Variants in CHSY3 observed in about 807,000 individuals in gnomAD.
The protein encoded by CHSY3 is N-acetylgalactosaminyl-proteoglycan 3-beta-glucuronosyltransferase 3.
A neutral mutation model predicts 67.2 loss-of-function variants in CHSY3; 35 were observed. The ratio of observed to expected loss-of-function variants is 0.52; its 90% CI spans 0.40 to 0.69. The LOEUF is 0.69. CHSY3 is among the 30% of genes least tolerant of loss of function. The pLI is 0.00. For synonymous variants in CHSY3, 474 were observed against 434.7 expected (o/e 1.09, Z -1.12); for missense variants, 1,069 against 1,138.5 (o/e 0.94, Z 0.88).
chr5:130,164,034 C>G (rs1291458143), intron 2 of CHSY3, among the ~76,000 whole-genome samples: 1 of 152,146 alleles, frequency 6.6e-6, no homozygotes, highest in African/African-American at 2.4e-5. Flanking sequence ...TGAACGACTA[C>G]TTGGAAACCT....
At position 129,905,277 on chromosome 5, in the gene CHSY3, C is replaced by A; in HGVS notation, c.448C>A (p.Pro150Thr). 1.4e-6 allele frequency: 2 copies of A among 1,461,582 alleles called. No individual in the cohort carries two copies. Among genetic ancestry groups the A allele is most frequent in the Non-Finnish European group, 1.8e-6 (2 of 1,110,014 alleles). 90.5% of individuals were successfully genotyped at this position (1,461,582 alleles called of 1,614,324 possible). The change falls in exon 1 of 3, where the codon CCG (proline) becomes ACG (threonine). Residue 150 changes from proline (P) to threonine (T), a missense_variant. By Grantham distance (38) the Pro-to-Thr change is conservative. Coordinates refer to ENST00000305031, the MANE Select transcript of CHSY3 (RefSeq NM_175856.5). ...GAAGQRRDGR[P>T]GSSHNGSGDG... ...GGCTGGGCAGCGGAGAGACGGCCGG[C>A]CGGGGAGTAGCCACAACGGCAGCGG... is the stretch of plus-strand genomic sequence containing the variant.
chr5:130,145,542 G>A (rs1769047896), intron 2 of CHSY3, among the ~76,000 whole-genome samples: 2 of 152,118 alleles, frequency 1.3e-5, no homozygotes, highest in African/African-American at 4.8e-5. Flanking sequence ...ATTGGCCTGG[G>A]CAAGAATTTT....
chr5:130,070,980 G>A lies in CHSY3; in HGVS notation c.1087-113249G>A, dbSNP rs139884125. The stretch of plus-strand genomic sequence containing the variant: ...AGCTTTCATAGATAAAACTATATAG[G>A]TTCCTGTGTTCATTTATCTATATAA... On this transcript the variant is annotated intron_variant, in intron 2 of 2. Transcript: ENST00000305031. Among the ~76,000 whole-genome samples, 428 of 152,028 alleles carry A rather than the reference G, an allele frequency of 2.8e-3. 1 individual carries two copies. Among genetic ancestry groups the A allele is most frequent in the Non-Finnish European group, 4.9e-3 (332 of 67,912 alleles).
chr5:129,966,830 A>G (rs1320500933), intron 2 of CHSY3, among the ~76,000 whole-genome samples: 2 of 151,868 alleles, frequency 1.3e-5, no homozygotes, highest in African/African-American at 4.8e-5. Context: ...AAGAAGTAAC[A>G]ATAAGAAGGG....
In CHSY3 at chr5:130,132,126, T is replaced by C. The variant is rs192871395; in HGVS notation, c.1087-52103T>C. 2.0e-5 allele frequency among the ~76,000 whole-genome samples: 3 copies of C among 152,306 alleles called. No individual in the cohort carries two copies. The East Asian group carries it at 5.8e-4, about 29-fold the overall frequency. On this transcript the variant is annotated intron_variant, in intron 2 of 2. Coordinates refer to ENST00000305031, the MANE Select transcript of CHSY3 (RefSeq NM_175856.5). ...GTTAACTAATATACTCTTTTCCCTT[T>C]TGACTTACACCAGAATGTAAGCTCC...
intron 2 of CHSY3, among the ~76,000 whole-genome samples, chr5:130,086,158 G>A (rs1207720326): frequency 6.6e-6 from 1 of 151,948 alleles, no homozygotes; most frequent in Non-Finnish European, 1.5e-5. Context: ...CAATTCCTGA[G>A]TATCCTTGTT....
At chr5:130,056,918 CTTTTT>C (rs58326964) in intron 2 of CHSY3, among the ~76,000 whole-genome samples, 7 of 56,116 alleles carry the variant, frequency 1.2e-4, no homozygotes, top group South Asian at 1.0e-3. Flanking sequence ...GCATTTCTTT[CTTTTT>C]TTTTTTTTTT....
At chr5:130,047,779 G>A (rs1287242590) in intron 2 of CHSY3, among the ~76,000 whole-genome samples, 6 of 151,916 alleles carry the variant, frequency 3.9e-5, no homozygotes, top group African/African-American at 1.2e-4. Flanking sequence ...TTTTCATTAT[G>A]TAATCAAATC....
intron 2 of CHSY3, among the ~76,000 whole-genome samples, chr5:130,082,895 CAT>C (rs1306927138): frequency 1.3e-5 from 2 of 151,130 alleles, no homozygotes; most frequent in African/African-American, 4.9e-5. Context: ...CACACACACA[CAT>C]ATATATATTT....
chr5:129,994,280 T>C (rs1300970238), intron 2 of CHSY3, among the ~76,000 whole-genome samples: 1 of 152,154 alleles, frequency 6.6e-6, no homozygotes, highest in Non-Finnish European at 1.5e-5. Context: ...TTGGGGAAGT[T>C]CTCCTGGATA....
chr5:130,101,251 C>G (rs539162095), intron 2 of CHSY3, among the ~76,000 whole-genome samples: 1 of 152,274 alleles, frequency 6.6e-6, no homozygotes, highest in Admixed American at 6.5e-5. Context: ...AAAGAGCAAT[C>G]ACGATCAGTT....
intron 2 of CHSY3, among the ~76,000 whole-genome samples, chr5:130,145,872 C>T (rs1322565544): frequency 1.3e-5 from 2 of 151,998 alleles, no homozygotes; most frequent in Admixed American, 1.3e-4. Context: ...CACTAATCAT[C>T]AAGGAAATGC....
At position 130,015,745 on chromosome 5, in the gene CHSY3, G is replaced by A. The variant is rs192969896; in HGVS notation, c.1086+107385G>A. Among the ~76,000 whole-genome samples the A allele has an allele frequency of 5.7e-4, 87 of 152,224 alleles. 1 individual carries two copies. The East Asian group carries it at 0.015, about 26-fold the overall frequency. ...TCCCATTACTGGGTATATACCCAAA[G>A]GAATAGAAATCATTCTACTGTAAAG... is the stretch of plus-strand genomic sequence containing the variant. On this transcript the variant is annotated intron_variant, in intron 2 of 2. Transcript: ENST00000305031.
chr5:130,140,598 A>G, intron 2 of CHSY3: 1 of 456,978 alleles, frequency 2.2e-6, no homozygotes, highest in Non-Finnish European at 3.8e-6. Context: ...GCTGAAAGAA[A>G]CATGCTGATC....
At chr5:129,918,833 C>T (rs957617672) in intron 2 of CHSY3, among the ~76,000 whole-genome samples, 4 of 149,114 alleles carry the variant, frequency 2.7e-5, no homozygotes, top group Non-Finnish European at 4.5e-5. Flanking sequence ...ATTGGCCGGG[C>T]GCGGTGGCTC....
Position 129,904,868 on chromosome 5 carries a change from A to G in CHSY3, c.39A>G (p.Ala13=), listed in dbSNP as rs767346394. The G allele has an allele frequency of 3.3e-6, 5 of 1,496,162 alleles. No individual in the cohort carries two copies. The East Asian group carries it at 1.3e-4, about 39-fold the overall frequency. 92.7% of individuals were successfully genotyped at this position (1,496,162 alleles called of 1,614,324 possible). The change falls in exon 1 of 3, where the codon GCA becomes GCG. Residue 13 remains alanine (A), a synonymous_variant. Coordinates refer to ENST00000305031, the MANE Select transcript of CHSY3 (RefSeq NM_175856.5). ...CTCGCCGCCCGTGGATGAGCGTGGC[A>G]TTAGGGCTGGTGCTGGGCTTCACCG... ...VRSRRPWMSV[A]LGLVLGFTAA...
At chr5:130,006,696 A>C (rs1470611860) in intron 2 of CHSY3, among the ~76,000 whole-genome samples, 1 of 152,252 alleles carries the variant, frequency 6.6e-6, no homozygotes, top group African/African-American at 2.4e-5. Flanking sequence ...GAAAGGTATC[A>C]AAGTAGTCAC....
At chr5:129,958,653 C>T (rs1392340536) in intron 2 of CHSY3, among the ~76,000 whole-genome samples, 1 of 152,158 alleles carries the variant, frequency 6.6e-6, no homozygotes, top group Non-Finnish European at 1.5e-5. Flanking sequence ...ACCTCATCCT[C>T]CTGAGTAGCT....
intron 2 of CHSY3, among the ~76,000 whole-genome samples, chr5:130,047,957 T>C (rs2149669411): frequency 6.6e-6 from 1 of 151,800 alleles, no homozygotes; most frequent in East Asian, 1.9e-4. Context: ...TTTTTTCCTT[T>C]TTTAAGTAAA....
Sources: allele counts gnomAD v4.1 joint callset (sites outside exome capture counted in the v4.1 genomes callset), GRCh38; gene constraint gnomAD v4.1.1; transcripts MANE v1.5; gene names NCBI Gene and HGNC (gene_info 2026-07-23, HGNC 2026-07-21).